DAB1: variants seen among roughly 807,000 people sequenced by gnomAD.
DAB1 encodes the protein disabled homolog 1.
In DAB1, 15 loss-of-function variants were observed where a neutral mutation model predicts 64.6. The observed-to-expected ratio is 0.23, with a 90% CI of 0.16 to 0.36. DAB1 has a LOEUF of 0.36. Ranked by LOEUF, DAB1 falls within the 10% of genes least tolerant of loss-of-function variation. The probability of loss-of-function intolerance (pLI) is 1.00; values close to 1 mark genes in which losing one functional copy is unlikely to be tolerated. For missense variants in DAB1, 596 were observed against 706.7 expected (o/e 0.84, Z 1.78); for synonymous variants, 235 against 251.9 (o/e 0.93, Z 0.64).
intron 5 of DAB1, among the ~76,000 whole-genome samples, chr1:57,986,233 T>C (rs2100358899): frequency 6.6e-6 from 1 of 152,230 alleles, no homozygotes; most frequent in Non-Finnish European, 1.5e-5. Flanking sequence ...AATTCATATA[T>C]TGAAATCCTA....
At chr1:57,538,067 C>T (rs1182624615) in intron 7 of DAB1, among the ~76,000 whole-genome samples, 1 of 152,156 alleles carries the variant, frequency 6.6e-6, no homozygotes, top group Non-Finnish European at 1.5e-5. Flanking sequence ...TAAACACCTC[C>T]CGCTGGCCCC....
chr1:57,179,112 G>A (rs1362242040), intron 2 of DAB1, among the ~76,000 whole-genome samples: 1 of 152,140 alleles, frequency 6.6e-6, no homozygotes, highest in Non-Finnish European at 1.5e-5. Flanking sequence ...ACCTCATTTA[G>A]AAATCTTGAA....
At chr1:57,525,696 A>C (rs1644582928) in intron 7 of DAB1, among the ~76,000 whole-genome samples, 2 of 152,112 alleles carry the variant, frequency 1.3e-5, no homozygotes, top group Non-Finnish European at 2.9e-5. Flanking sequence ...AAAAGTGTTA[A>C]ACCAAGATAT....
At chr1:57,968,837 C>T (rs1645730884) in intron 5 of DAB1, among the ~76,000 whole-genome samples, 2 of 152,172 alleles carry the variant, frequency 1.3e-5, no homozygotes, top group Admixed American at 1.3e-4. Flanking sequence ...TGGCTCACAG[C>T]TTGAAAACTG....
chr1:57,214,207 T>C (rs572067616), intron 2 of DAB1, among the ~76,000 whole-genome samples: 8 of 152,206 alleles, frequency 5.3e-5, no homozygotes, highest in Non-Finnish European at 7.3e-5. Flanking sequence ...AGTCCTCACA[T>C]GGCAGAAAGT....
chr1:57,158,415 T>G (rs577906734), intron 2 of DAB1, among the ~76,000 whole-genome samples: 85 of 152,264 alleles, frequency 5.6e-4, no homozygotes, highest in Non-Finnish European at 1.1e-3. Context: ...CACAGAGAGA[T>G]TCTCCCTCCT....
chr1:57,470,832 C>T (rs1687110575), intron 7 of DAB1, among the ~76,000 whole-genome samples: 1 of 152,132 alleles, frequency 6.6e-6, no homozygotes, highest in Admixed American at 6.6e-5. Flanking sequence ...GATATCATTC[C>T]ATATATGAAA....
rs142305494 is a variant in DAB1, at chr1:57,847,242, A to T, written n.88-20787T>A. Among the ~76,000 whole-genome samples the T allele has an allele frequency of 4.3e-3, 649 of 152,228 alleles. 1 individual carries two copies. Among genetic ancestry groups the T allele is most frequent in the Non-Finnish European group, 7.9e-3 (536 of 68,002 alleles). ...GATTTTTTTAGTTCTACCCAGGACT[A>T]GCTAAAAACAGACATTCAGCTTTTA... On this transcript the variant is annotated intron_variant and non_coding_transcript_variant, in intron 1 of 1. Transcript: ENST00000477280.
At chr1:58,013,197 A>C (rs895580168) in intron 5 of DAB1, among the ~76,000 whole-genome samples, 1 of 152,204 alleles carries the variant, frequency 6.6e-6, no homozygotes, top group Non-Finnish European at 1.5e-5. Context: ...GCTTTTGCTA[A>C]ATTAACCTGA....
intron 2 of DAB1, among the ~76,000 whole-genome samples, chr1:57,237,125 C>T (rs929990865): frequency 1.3e-5 from 2 of 152,078 alleles, no homozygotes; most frequent in African/African-American, 4.8e-5. Flanking sequence ...TCTTTGAAGA[C>T]GAGAGAGATT....
At chr1:58,267,130 G>A (rs1661188546) in intron 4 of DAB1, among the ~76,000 whole-genome samples, 1 of 152,174 alleles carries the variant, frequency 6.6e-6, no homozygotes, top group South Asian at 2.1e-4. Flanking sequence ...TAGGACAGGA[G>A]AATTGCTTGA....
rs1646391714 is a variant in DAB1, at chr1:57,661,973, G to C, written n.552-12308C>G. 1.3e-5 allele frequency among the ~76,000 whole-genome samples: 2 copies of C among 152,174 alleles called. 1 individual carries two copies. The highest frequency in any genetic ancestry group is 4.2e-4 in the South Asian group (2 of 4,816). On this transcript the variant is annotated intron_variant and non_coding_transcript_variant, in intron 6 of 20. Coordinates refer to the DAB1 transcript ENST00000485760. The stretch of plus-strand genomic sequence containing the variant: ...AGGAATAAAAGGAATGTTGGGACTT[G>C]AGGGTGACCGTAAAGATAAAATATC...
chr1:58,137,957 G>A (rs1557667260), intron 5 of DAB1, among the ~76,000 whole-genome samples: 2 of 152,152 alleles, frequency 1.3e-5, no homozygotes, highest in African/African-American at 4.8e-5. Context: ...GGGAAGGTCT[G>A]ACATTTGAGG....
intron 6 of DAB1, among the ~76,000 whole-genome samples, chr1:57,777,612 G>T (rs76986260): frequency 0.046 from 7,052 of 151,910 alleles, 251 homozygotes; most frequent in South Asian, 0.075. Flanking sequence ...TTCAACTCTA[G>T]AAGTTTTACT....
At chr1:57,435,276 T>C (rs575630481) in intron 7 of DAB1, among the ~76,000 whole-genome samples, 33 of 152,224 alleles carry the variant, frequency 2.2e-4, no homozygotes, top group Admixed American at 3.9e-4. Flanking sequence ...CTTGAACTCC[T>C]GAGCTCTGGT....
At chr1:57,440,467 T>C (rs1289355177) in intron 7 of DAB1, among the ~76,000 whole-genome samples, 1 of 151,812 alleles carries the variant, frequency 6.6e-6, no homozygotes, top group Non-Finnish European at 1.5e-5. Context: ...ACCCAGACAG[T>C]AATCCAGCCA....
chr1:57,771,124 C>T (rs534567979), intron 6 of DAB1, among the ~76,000 whole-genome samples: 19 of 152,270 alleles, frequency 1.2e-4, no homozygotes, highest in African/African-American at 4.3e-4. Context: ...TGGGAAGTAC[C>T]TGGCATATCA....
chr1:57,561,606 T>C (rs1645052643), intron 7 of DAB1, among the ~76,000 whole-genome samples: 1 of 152,194 alleles, frequency 6.6e-6, no homozygotes, highest in African/African-American at 2.4e-5. Context: ...ATTTTAATAA[T>C]CAAGTGGATA....
rs555378585 is a variant in DAB1, at chr1:58,295,642, A to AT, written n.309+47709dup. ...TCTTTGAAAGAAGAGTAGATGAGAG[A>AT]TTTTTTTGTTTGTTTTATTTATTGT... On this transcript the variant is annotated intron_variant and non_coding_transcript_variant, in intron 4 of 20. Coordinates refer to the DAB1 transcript ENST00000485760. Among the ~76,000 whole-genome samples, 39 of 152,084 alleles carry AT rather than the reference A, an allele frequency of 2.6e-4. No homozygotes were observed. In the Middle Eastern group the frequency reaches 0.01, roughly 40 times the overall value.
Sources: gnomAD v4.1 joint callset for allele counts (sites outside exome capture counted in the v4.1 genomes callset) on GRCh38, gnomAD v4.1.1 for gene constraint, MANE v1.5 for transcripts, NCBI Gene and HGNC (gene_info 2026-07-23, HGNC 2026-07-21) for gene names.